ZNF521: variants seen among roughly 807,000 people sequenced by gnomAD.
ZNF521 encodes the protein zinc finger protein 521, also known as LYST-interacting protein 3.
ZNF521 carries 14 observed loss-of-function variants against 105.5 expected under a neutral mutation model. The ratio of observed to expected loss-of-function variants is 0.13; its 90% CI spans 0.09 to 0.21. ZNF521 has a LOEUF of 0.21. ZNF521 is among the 10% of genes least tolerant of loss of function. The pLI is 1.00. For missense variants in ZNF521, 1,233 were observed against 1,629.7 expected, an observed-to-expected ratio of 0.76 and a Z score of 4.19; for synonymous variants, 635 against 606.0, an observed-to-expected ratio of 1.05 and a Z score of -0.70.
chr18:25,153,377 C>A (rs187835273), intron 5 of ZNF521, among the ~76,000 whole-genome samples: 155 of 152,262 alleles, frequency 1.0e-3, no homozygotes, highest in African/African-American at 3.5e-3. Flanking sequence ...CCTGTTCTAC[C>A]CTGCCCCCTC....
intron 3 of ZNF521, among the ~76,000 whole-genome samples, chr18:25,292,813 A>G (rs1273468011): frequency 6.6e-6 from 1 of 152,188 alleles, no homozygotes; most frequent in Non-Finnish European, 1.5e-5. Context: ...AGTGGCTTTC[A>G]AGCTGTTTTT....
chr18:25,083,970 A>T (rs2144182377), intron 7 of ZNF521, among the ~76,000 whole-genome samples: 1 of 110,606 alleles, frequency 9.0e-6, no homozygotes, highest in African/African-American at 3.5e-5. Context: ...TTTGGTAGAG[A>T]TGAGGCTTTC....
chr18:25,232,871 C>T (rs1196765712), intron 3 of ZNF521, among the ~76,000 whole-genome samples: 2 of 152,184 alleles, frequency 1.3e-5, no homozygotes, highest in African/African-American at 2.4e-5. Context: ...TTTCCCCCCA[C>T]TTGCCTTACA....
At chr18:25,123,878 G>T (rs370812189) in intron 5 of ZNF521, among the ~76,000 whole-genome samples, 2 of 152,120 alleles carry the variant, frequency 1.3e-5, no homozygotes, top group African/African-American at 4.8e-5. Flanking sequence ...TGAAAGAAAT[G>T]ATCCCTTCTT....
chr18:25,165,543 A>T (rs2035324785), intron 5 of ZNF521, among the ~76,000 whole-genome samples: 1 of 152,212 alleles, frequency 6.6e-6, no homozygotes, highest in Non-Finnish European at 1.5e-5. Flanking sequence ...GAGCACATGC[A>T]TGACTTTTGA....
At chr18:25,337,812 T>C (rs1439583062) in intron 2 of ZNF521, among the ~76,000 whole-genome samples, 2 of 151,398 alleles carry the variant, frequency 1.3e-5, no homozygotes, top group African/African-American at 2.5e-5. Flanking sequence ...TATGCATGCT[T>C]CCTGCAACAC....
intron 5 of ZNF521, among the ~76,000 whole-genome samples, chr18:25,128,307 G>A (rs1401916542): frequency 6.6e-6 from 1 of 151,788 alleles, no homozygotes; most frequent in South Asian, 2.1e-4. Flanking sequence ...GCAATAGGGG[G>A]TAACTGCTTC....
In ZNF521 at chr18:25,149,515, A is replaced by G. The variant is rs181276771; in HGVS notation, c.3658+45645T>C. On this transcript the variant is annotated intron_variant, in intron 5 of 7. Transcript: ENST00000361524. ...AGCCCATATTTTATGGCTAATAGAG[A>G]CCTTTATATTGGCTCATGTTTAAAC... Among the ~76,000 whole-genome samples, 45 of 152,138 alleles carry G rather than the reference A, an allele frequency of 3.0e-4. No homozygotes were observed. The East Asian group carries it at 3.7e-3, about 12-fold the overall frequency.
chr18:25,089,572 G>C lies in ZNF521; in HGVS notation c.3799C>G (p.Gln1267Glu). Residue 1267 changes from glutamine (Q) to glutamate (E), a missense_variant, in exon 7 of 8, where the codon CAA becomes GAA. Gln to Glu is a conservative substitution (Grantham distance 29). This residue lies in a region of ZNF521 where 76 missense variants were observed against 137.2 expected (regional missense o/e 0.55). Coordinates refer to ENST00000361524, the MANE Select transcript of ZNF521 (RefSeq NM_015461.3). ...ATATGCTGCTGCAACTTGTTTGCTT[G>C]AACAAATACTGAAATGATAAAAGAA... is the stretch of plus-strand genomic sequence containing the variant. ...KCPVCFTVFV[Q>E]ANKLQQHIFS... 1 of 1,612,928 alleles carries C rather than the reference G, an allele frequency of 6.2e-7. No individual in the cohort carries two copies. The highest frequency in any genetic ancestry group is 8.5e-7 in the Non-Finnish European group (1 of 1,178,958).
chr18:25,138,905 G>A (rs1304252971), intron 5 of ZNF521, among the ~76,000 whole-genome samples: 2 of 152,170 alleles, frequency 1.3e-5, no homozygotes, highest in Admixed American at 6.5e-5. Flanking sequence ...CAGGGCACTG[G>A]AGGGAACTCT....
At chr18:25,184,314 G>A (rs939802491) in intron 5 of ZNF521, among the ~76,000 whole-genome samples, 5 of 152,024 alleles carry the variant, frequency 3.3e-5, no homozygotes, top group African/African-American at 1.2e-4. Flanking sequence ...TCTCTTTGAC[G>A]ATGTATTTTT....
intron 3 of ZNF521, among the ~76,000 whole-genome samples, chr18:25,272,438 T>C (rs1170875139): frequency 3.9e-5 from 6 of 152,170 alleles, no homozygotes; most frequent in African/African-American, 9.7e-5. Context: ...TTATAATTCA[T>C]TGTACTATAA....
chr18:25,140,167 T>A (rs892703703), intron 5 of ZNF521, among the ~76,000 whole-genome samples: 1 of 152,160 alleles, frequency 6.6e-6, no homozygotes. Context: ...CTTCATCAAA[T>A]CACAAATCAG....
At chr18:25,257,360 C>T (rs1428104990) in intron 3 of ZNF521, among the ~76,000 whole-genome samples, 1 of 152,040 alleles carries the variant, frequency 6.6e-6, no homozygotes, top group Non-Finnish European at 1.5e-5. Flanking sequence ...AGTAGTGAGA[C>T]CCCTGGACAA....
rs138748625 is a variant in ZNF521 at position 25,350,709 on chromosome 18, C to G, written c.40+198G>C. 4.0e-3 allele frequency among the ~76,000 whole-genome samples: 605 copies of G among 151,452 alleles called. 7 individuals carry two copies. The highest frequency in any genetic ancestry group is 0.013 in the African/African-American group (539 of 41,264). The stretch of plus-strand genomic sequence containing the variant: ...CGCCGCCCCATTCGGGGATCCTCCT[C>G]CCGTCTTCGTCTCCCCCCACCCCGA... On this transcript the variant is annotated intron_variant, in intron 2 of 7. Coordinates refer to ENST00000361524, the MANE Select transcript of ZNF521 (RefSeq NM_015461.3).
At chr18:25,078,139 T>C (rs926588431) in intron 7 of ZNF521, among the ~76,000 whole-genome samples, 10 of 152,128 alleles carry the variant, frequency 6.6e-5, no homozygotes, top group Non-Finnish European at 1.3e-4. Flanking sequence ...CCAGGAGTTA[T>C]TCAATCAGCC....
intron 5 of ZNF521, among the ~76,000 whole-genome samples, chr18:25,131,078 C>T (rs1023523900): frequency 1.3e-5 from 2 of 152,052 alleles, no homozygotes; most frequent in African/African-American, 4.8e-5. Context: ...AGTTTGGTAG[C>T]AGCCACAGAG....
chr18:25,287,239 T>C (rs1459978094), intron 3 of ZNF521, among the ~76,000 whole-genome samples: 1 of 152,198 alleles, frequency 6.6e-6, no homozygotes, highest in African/African-American at 2.4e-5. Context: ...CATTCTGACA[T>C]GCAACTGAGG....
At position 25,231,828 on chromosome 18, in the gene ZNF521, T is replaced by G. The variant is rs1442014669; in HGVS notation, c.221-4131A>C. Among the ~76,000 whole-genome samples the G allele has an allele frequency of 2.0e-5, 3 of 152,230 alleles. No homozygotes were observed. In the East Asian group the frequency reaches 5.8e-4, roughly 29 times the overall value. ...ACAGGGACCAAGCCTTTCAGAAGAT[T>G]GATTCCAACACTAGGGGCAATCTGA... On this transcript the variant is annotated intron_variant, in intron 3 of 7. Transcript: ENST00000361524.
Sources: allele counts gnomAD v4.1 joint callset (sites outside exome capture counted in the v4.1 genomes callset), GRCh38; gene constraint gnomAD v4.1.1; regional missense constraint gnomAD v4.1.1; transcripts MANE v1.5; gene names NCBI Gene and HGNC (gene_info 2026-07-23, HGNC 2026-07-21).